KLHL28: variants seen among roughly 807,000 people sequenced by gnomAD.
KLHL28 encodes the protein kelch like family member 28.
A neutral mutation model predicts 48.3 loss-of-function variants in KLHL28; 22 were observed. That is an observed-to-expected ratio of 0.46 (90% confidence interval 0.33 to 0.65). The LOEUF (loss-of-function observed/expected upper bound fraction) is 0.65, where lower values mean the gene tolerates loss of function less well. KLHL28 is among the 30% of genes least tolerant of loss of function. The probability of loss-of-function intolerance (pLI) is 0.03; values close to 1 mark genes in which losing one functional copy is unlikely to be tolerated. For synonymous variants in KLHL28, 243 were observed against 242.4 expected, an observed-to-expected ratio of 1.00 and a Z score of -0.02; for missense variants, 527 against 704.3, an observed-to-expected ratio of 0.75 and a Z score of 2.85.
intron 3 of KLHL28, among the ~76,000 whole-genome samples, chr14:44,932,003 CTT>C (rs879751917): frequency 6.9e-6 from 1 of 144,664 alleles, no homozygotes. Flanking sequence ...TGAATACAGA[CTT>C]TTTTTTTTTG....
At chr14:44,948,411 G>A (rs900865545) in intron 1 of KLHL28, among the ~76,000 whole-genome samples, 3 of 152,094 alleles carry the variant, frequency 2.0e-5, no homozygotes, top group African/African-American at 7.2e-5. Context: ...ATAAGGTAAT[G>A]AGTTTTAGTC....
intron 3 of KLHL28, among the ~76,000 whole-genome samples, chr14:44,931,989 T>C (rs1883606581): frequency 6.6e-6 from 1 of 151,948 alleles, no homozygotes; most frequent in African/African-American, 2.4e-5. Context: ...TGAAAACCAC[T>C]AACTGAATAC....
rs1883709086 is a variant in KLHL28, at chr14:44,934,219, C to A, written c.1239G>T (p.Trp413Cys). The A allele has an allele frequency of 6.2e-7, 1 of 1,614,118 alleles. No individual in the cohort carries two copies. Among genetic ancestry groups the A allele is most frequent in the Admixed American group, 1.7e-5 (1 of 60,012 alleles). Residue 413 changes from tryptophan to cysteine, a missense_variant, in exon 3 of 5, where the codon TGG becomes TGT. Trp to Cys is a radical substitution (Grantham distance 215). Transcript: ENST00000396128. ...VEKYIPKIRK[W>C]QPVAPMTTTR... is the part of the protein sequence containing the mutation. ...TTGTCGTCATTGGTGCCACAGGTTG[C>A]CATTTTCTTATTTTGGGAATGTACT...
chr14:44,943,118 CTTA>C (rs1472146097), intron 2 of KLHL28, among the ~76,000 whole-genome samples: 1 of 151,996 alleles, frequency 6.6e-6, no homozygotes, highest in African/African-American at 2.4e-5. Context: ...ATGAACAGGT[CTTA>C]TTATTCTTCA....
At position 44,950,446 on chromosome 14, in the gene KLHL28, A is replaced by G. The variant is rs542465644; in HGVS notation, c.1-4518T>C. On this transcript the variant is annotated intron_variant, in intron 1 of 4. Transcript: ENST00000396128. Reference sequence around the variant, plus strand: ...GTGATAGATCCTATATTGTTAACCTAATTTTTGTGTACCCAATTCAAAACT... The same window carrying G: ...GTGATAGATCCTATATTGTTAACCTGATTTTTGTGTACCCAATTCAAAACT... 2.6e-5 allele frequency among the ~76,000 whole-genome samples: 4 copies of G among 152,318 alleles called. No individual in the cohort carries two copies. The East Asian group carries it at 7.7e-4, about 29-fold the overall frequency.
intron 4 of KLHL28, 101 bp downstream of exon 4, chr14:44,931,232 A>G: frequency 1.7e-6 from 1 of 602,724 alleles, no homozygotes; most frequent in Non-Finnish European, 2.6e-6. Context: ...TTTCTGGACA[A>G]GTAATATTCC....
At chr14:44,937,935 G>C (rs1883896114) in intron 2 of KLHL28, among the ~76,000 whole-genome samples, 1 of 152,024 alleles carries the variant, frequency 6.6e-6, no homozygotes, top group Non-Finnish European at 1.5e-5. Flanking sequence ...GATCCTTCAG[G>C]GTCTAGTCAC....
chr14:44,933,571 T>A (rs2138588290), intron 3 of KLHL28, among the ~76,000 whole-genome samples: 1 of 152,298 alleles, frequency 6.6e-6, no homozygotes, highest in African/African-American at 2.4e-5. Context: ...TATTTTCTCA[T>A]ATATATTTCT....
At position 44,945,045 on chromosome 14, in the gene KLHL28, A is replaced by G; in HGVS notation, c.884T>C (p.Phe295Ser). The change falls in exon 2 of 5, where the codon TTT becomes TCT. Residue 295 changes from phenylalanine (F) to serine (S), a missense_variant. Phe to Ser is a radical substitution (Grantham distance 155, BLOSUM62 -2). Transcript: ENST00000396128. ...LCAVGGKSGL[F>S]ACLDSVEMYF... ...TTCTATTTACCTATCCAAACAGGCA[A>G]AGAGTCCAGATTTCCCTCCTACTGC... 6.2e-7 allele frequency: 1 copy of G among 1,601,152 alleles called. No homozygotes were observed. Among genetic ancestry groups the G allele is most frequent in the Non-Finnish European group, 8.5e-7 (1 of 1,169,634 alleles).
intron 2 of KLHL28, among the ~76,000 whole-genome samples, chr14:44,943,312 ATGTTCTATGTGTAGC>A (rs1244506562): frequency 6.6e-6 from 1 of 152,204 alleles, no homozygotes; most frequent in Non-Finnish European, 1.5e-5. Flanking sequence ...AACATAACTA[ATGTTCTATGTGTAGC>A]CCAGTCTCAA....
chr14:44,926,120 T>C lies in KLHL28; in HGVS notation c.*2908A>G, dbSNP rs778740643. On this transcript the variant is annotated 3_prime_UTR_variant, in exon 5 of 5. Transcript: ENST00000396128. ...TCACAATTTGTCAGCAGAGTGTTCA[T>C]AATGAAACTTCTCACAAATTTGTAA... 3 of 152,228 alleles carry C rather than the reference T, an allele frequency of 2.0e-5. No individual in the cohort carries two copies. The highest frequency in any genetic ancestry group is 2.9e-5 in the Non-Finnish European group (2 of 68,020). 9.4% of individuals were successfully genotyped at this position (152,228 alleles called of 1,614,324 possible). A position where few individuals can be genotyped will look rare whatever the true frequency, so the allele number is the denominator to read the frequency against.
rs1883408821 is a variant in KLHL28 at position 44,927,390 on chromosome 14, C to T, written c.*1638G>A. On this transcript the variant is annotated 3_prime_UTR_variant, in exon 5 of 5. Coordinates refer to ENST00000396128, the MANE Select transcript of KLHL28 (RefSeq NM_017658.5). The stretch of plus-strand genomic sequence containing the variant: ...ATGGCTTCTTAACAATAGTCTAGAA[C>T]ATTATGGCACTTAAGAATATAATAT... 6.6e-6 allele frequency: 1 copy of T among 152,358 alleles called. No homozygotes were observed. The highest frequency in any genetic ancestry group is 6.6e-5 in the Admixed American group (1 of 15,254). 9.4% of individuals were successfully genotyped at this position (152,358 alleles called of 1,614,324 possible). A position where few individuals can be genotyped will look rare whatever the true frequency, so the allele number is the denominator to read the frequency against.
At chr14:44,943,527 C>A (rs1375541776) in intron 2 of KLHL28, among the ~76,000 whole-genome samples, 1 of 152,090 alleles carries the variant, frequency 6.6e-6, no homozygotes, top group East Asian at 1.9e-4. Flanking sequence ...CATGATGGCA[C>A]ATGCCTGTAA....
In KLHL28 at chr14:44,926,425, T is replaced by C. The variant is rs1883372907; in HGVS notation, c.*2603A>G. ...TTTGATCTAATTTACCAAATGATTATACACTAATTTGATAGTGGAGATGAT... is the reference window on the plus strand; with the variant it reads ...TTTGATCTAATTTACCAAATGATTACACACTAATTTGATAGTGGAGATGAT... On this transcript the variant is annotated 3_prime_UTR_variant, in exon 5 of 5. Coordinates refer to ENST00000396128, the MANE Select transcript of KLHL28 (RefSeq NM_017658.5). 1 of 152,214 alleles carries C rather than the reference T, an allele frequency of 6.6e-6. No homozygotes were observed. Among genetic ancestry groups the C allele is most frequent in the Non-Finnish European group, 1.5e-5 (1 of 68,032 alleles). The allele number at this position is 152,214 out of a possible 1,614,324, so 9.4% of individuals were successfully genotyped here.
intron 1 of KLHL28, among the ~76,000 whole-genome samples, chr14:44,955,331 C>T (rs1884747954): frequency 6.6e-6 from 1 of 151,732 alleles, no homozygotes; most frequent in Admixed American, 6.6e-5. Context: ...AATTATATTT[C>T]CTAGCTCTGT....
chr14:44,958,463 A>C (rs1393201093), intron 1 of KLHL28, among the ~76,000 whole-genome samples: 1 of 152,128 alleles, frequency 6.6e-6, no homozygotes, highest in East Asian at 1.9e-4. Flanking sequence ...AAATTAGGAG[A>C]ATATTCTATC....
Position 44,931,473 on chromosome 14 carries a change from T to C in KLHL28, c.1412A>G (p.His471Arg). The change falls in exon 4 of 5, where the codon CAC (histidine) becomes CGC (arginine). Residue 471 changes from histidine to arginine, a missense_variant. Physicochemically the swap from His to Arg is conservative, Grantham distance 29. Coordinates refer to ENST00000396128, the MANE Select transcript of KLHL28 (RefSeq NM_017658.5). The stretch of plus-strand genomic sequence containing the variant: ...GCCTAGCATGACACCCACGCCAAAG[T>C]GAATCCTTTTATCTGCCATGGATGC... Reference protein sequence around the residue: ...MVASMADKRIHFGVGVMLGFI... With the variant: ...MVASMADKRIRFGVGVMLGFI... 6.2e-7 allele frequency: 1 copy of C among 1,614,052 alleles called. No homozygotes were observed. The highest frequency in any genetic ancestry group is 8.5e-7 in the Non-Finnish European group (1 of 1,179,972).
intron 3 of KLHL28, among the ~76,000 whole-genome samples, chr14:44,933,654 A>G (rs1883678441): frequency 6.6e-6 from 1 of 152,230 alleles, no homozygotes; most frequent in Non-Finnish European, 1.5e-5. Flanking sequence ...ATACCTGATG[A>G]TACATGTATG....
chr14:44,933,763 CTTT>C (rs1883686416), intron 3 of KLHL28, among the ~76,000 whole-genome samples: 1 of 152,112 alleles, frequency 6.6e-6, no homozygotes. Flanking sequence ...ATTTCTACTT[CTTT>C]ATTCTATTAA....
Sources: gnomAD v4.1 joint callset for allele counts (sites outside exome capture counted in the v4.1 genomes callset) on GRCh38, gnomAD v4.1.1 for gene constraint, MANE v1.5 for transcripts, NCBI Gene and HGNC (gene_info 2026-07-23, HGNC 2026-07-21) for gene names.